The following SPEF2 variants were observed in gnomAD, a reference collection of about 807,000 sequenced individuals.
SPEF2 encodes sperm flagellar and cilia associated 2, also known as sperm flagella and cilia-associated protein 2.
SPEF2 carries 187 observed loss-of-function variants against 224.6 expected under a neutral mutation model. The ratio of observed to expected loss-of-function variants is 0.83; its 90% CI spans 0.74 to 0.94. The LOEUF (loss-of-function observed/expected upper bound fraction) is 0.94. SPEF2 is among the 40% of genes least tolerant of loss of function. SPEF2 has a pLI of 0.00. For missense variants in SPEF2, 2,170 were observed against 2,135.6 expected, an observed-to-expected ratio of 1.02 and a Z score of -0.32; for synonymous variants, 715 against 707.3, an observed-to-expected ratio of 1.01 and a Z score of -0.17.
intron 1 of SPEF2, among the ~76,000 whole-genome samples, chr5:35,621,363 G>C (rs927579261): frequency 2.7e-5 from 4 of 148,524 alleles, no homozygotes; most frequent in Non-Finnish European, 4.4e-5. Context: ...AAGAGGTATT[G>C]CCCTGGATGT....
intron 10 of SPEF2, among the ~76,000 whole-genome samples, chr5:35,679,644 A>G (rs1032225001): frequency 1.3e-5 from 2 of 152,200 alleles, no homozygotes; most frequent in African/African-American, 4.8e-5. Context: ...CCAGGTCACA[A>G]ACAGCTTCTG....
rs70973059 is a variant in SPEF2, at chr5:35,751,066, T to TACACATAC, written c.3331-2558_3331-2557insACACATAC. 9.2e-5 allele frequency among the ~76,000 whole-genome samples: 3 copies of TACACATAC among 32,526 alleles called. 1 individual carries two copies. Among genetic ancestry groups the TACACATAC allele is most frequent in the Non-Finnish European group, 1.8e-4 (3 of 16,546 alleles). The allele number at this position is 32,526 out of a possible 152,430, so 21.3% of individuals were successfully genotyped here. Reference sequence around the variant, plus strand: ...ATGTATATATATATACGTATATATATGTATATATATATACACACACACACA... The same window carrying TACACATAC: ...ATGTATATATATATACGTATATATATACACATACGTATATATATATACACACACACACA... On this transcript the variant is annotated intron_variant, in intron 23 of 36. Coordinates refer to ENST00000356031, the MANE Select transcript of SPEF2 (RefSeq NM_024867.4).
rs554020143 is a variant in SPEF2, at chr5:35,808,335, G to A, written c.5379+1082G>A. 12 of 214,754 alleles carry A rather than the reference G, an allele frequency of 5.6e-5. 1 individual carries two copies. In the South Asian group the frequency reaches 1.8e-3, roughly 33 times the overall value. The allele number at this position is 214,754 out of a possible 1,614,324, so 13.3% of individuals were successfully genotyped here. A position where few individuals can be genotyped will look rare whatever the true frequency, so the allele number is the denominator to read the frequency against. ...TACATATGTATACATGTGCCATGTTGGTGTGCTGTACCCATTAACTCGTCA... is the reference window on the plus strand; with the variant it reads ...TACATATGTATACATGTGCCATGTTAGTGTGCTGTACCCATTAACTCGTCA... On this transcript the variant is annotated intron_variant, in intron 36 of 36. Transcript: ENST00000356031.
intron 6 of SPEF2, among the ~76,000 whole-genome samples, chr5:35,653,500 T>C (rs1748488252): frequency 6.6e-6 from 1 of 152,190 alleles, no homozygotes; most frequent in Non-Finnish European, 1.5e-5. Flanking sequence ...CTGGCATTAA[T>C]GTGCCTGGTC....
chr5:35,758,822 A>T (rs1463172908), intron 24 of SPEF2, among the ~76,000 whole-genome samples: 1 of 152,072 alleles, frequency 6.6e-6, no homozygotes, highest in Non-Finnish European at 1.5e-5. Context: ...CCTGGCCAAC[A>T]TGGCAAAACC....
rs553020452 is a variant in SPEF2 at position 35,806,790 on chromosome 5, C to T, written c.5094C>T (p.Asp1698=). The T allele has an allele frequency of 2.0e-5, 32 of 1,613,558 alleles. No individual in the cohort carries two copies. In the East Asian group the frequency reaches 4.7e-4, roughly 24 times the overall value. The part of the protein sequence containing the change: ...NAAREERKLK[D]DTEKREQKDE... ...CAAGAGAAGAAAGGAAATTAAAAGACGACACGGAGAAAAGGGAACAGAAGG... is the reference window on the plus strand; with the variant it reads ...CAAGAGAAGAAAGGAAATTAAAAGATGACACGGAGAAAAGGGAACAGAAGG... Residue 1698 remains aspartate, a synonymous_variant, in exon 35 of 37, where the codon GAC becomes GAT. Coordinates refer to ENST00000356031, the MANE Select transcript of SPEF2 (RefSeq NM_024867.4).
chr5:35,672,595 T>C (rs1054903357), intron 10 of SPEF2, among the ~76,000 whole-genome samples: 4 of 151,630 alleles, frequency 2.6e-5, no homozygotes, highest in African/African-American at 9.7e-5. Flanking sequence ...AGACCAAAGA[T>C]CTAAAAATAA....
Position 35,713,734 on chromosome 5 carries a change from A to AATAT in SPEF2, c.2914+859_2914+862dup, listed in dbSNP as rs70973052. Among the ~76,000 whole-genome samples, 160 of 102,834 alleles carry AATAT rather than the reference A, an allele frequency of 1.6e-3. 13 individuals carry two copies. The East Asian group carries it at 0.017, about 11-fold the overall frequency. The allele number at this position is 102,834 out of a possible 152,430, so 67.5% of individuals were successfully genotyped here. ...GCCTGGGTGACAGACTCTGTCTCAA[A>AATAT]ATATATATATATATTTTATATATAT... is the stretch of plus-strand genomic sequence containing the variant. On this transcript the variant is annotated intron_variant, in intron 20 of 36. Transcript: ENST00000356031.
intron 13 of SPEF2, 121 bp downstream of exon 13, chr5:35,694,484 A>G (rs1755005901): frequency 2.4e-6 from 2 of 817,348 alleles, no homozygotes; most frequent in South Asian, 3.7e-5. Flanking sequence ...AGTTTTACAT[A>G]GTTGTCTACA....
intron 7 of SPEF2, among the ~76,000 whole-genome samples, chr5:35,657,630 A>C (rs1749138609): frequency 6.6e-6 from 1 of 152,148 alleles, no homozygotes; most frequent in South Asian, 2.1e-4. Context: ...TAGGATCATC[A>C]ACTGAGATGG....
intron 23 of SPEF2, among the ~76,000 whole-genome samples, chr5:35,751,066 TGTATATATATATACACACACACACACAC>T (rs1749497707): frequency 3.1e-5 from 1 of 32,536 alleles, no homozygotes; most frequent in African/African-American, 1.0e-4. Context: ...CGTATATATA[TGTATATATATATACACACACACACACAC>T]ACATATATAT....
intron 16 of SPEF2, 149 bp from the exon 17 acceptor site, chr5:35,704,405 A>C (rs773939308): frequency 9.4e-6 from 5 of 532,460 alleles, no homozygotes; most frequent in Non-Finnish European, 1.7e-5. Flanking sequence ...TCAAAACTAT[A>C]CTCTTTCAAC....
intron 10 of SPEF2, chr5:35,678,737 A>C (rs759299309): frequency 6.6e-6 from 1 of 152,186 alleles, no homozygotes; most frequent in Non-Finnish European, 1.5e-5. Flanking sequence ...ATTCAGCTGC[A>C]CTTCAGCTAA....
intron 21 of SPEF2, among the ~76,000 whole-genome samples, chr5:35,735,608 C>T (rs1420932657): frequency 6.6e-6 from 1 of 152,132 alleles, no homozygotes; most frequent in East Asian, 1.9e-4. Context: ...AGGAAATTAG[C>T]CCAGATGACC....
chr5:35,672,664 T>A (rs1751353092), intron 10 of SPEF2, among the ~76,000 whole-genome samples: 1 of 151,990 alleles, frequency 6.6e-6, no homozygotes, highest in South Asian at 2.1e-4. Flanking sequence ...ATACATTTGC[T>A]TGAACATAAT....
chr5:35,673,301 C>T lies in SPEF2; in HGVS notation c.1524+3074C>T, dbSNP rs73080283. 9.0e-3 allele frequency among the ~76,000 whole-genome samples: 1,369 copies of T among 152,294 alleles called. 25 individuals are homozygous for T. Among genetic ancestry groups the T allele is most frequent in the African/African-American group, 0.032 (1,318 of 41,556 alleles). ...GTGGTTCTCAATCATGCAGTGGACT[C>T]CTGCCAGTGAACCTCAAACTCCCCC... is the stretch of plus-strand genomic sequence containing the variant. On this transcript the variant is annotated intron_variant, in intron 10 of 36. Coordinates refer to ENST00000356031, the MANE Select transcript of SPEF2 (RefSeq NM_024867.4).
intron 33 of SPEF2, 74 bp downstream of exon 33, chr5:35,795,869 T>G: frequency 7.4e-7 from 1 of 1,346,140 alleles, no homozygotes; most frequent in Non-Finnish European, 1.1e-6. Flanking sequence ...TCCACTTATG[T>G]AACTTGGCTG....
intron 19 of SPEF2, chr5:35,709,458 G>A: frequency 9.7e-7 from 1 of 1,026,652 alleles, no homozygotes; most frequent in Non-Finnish European, 1.2e-6. Context: ...GAACTATAGA[G>A]TTACATTTAT....
At chr5:35,659,366 A>G (rs1172786178) in intron 8 of SPEF2, among the ~76,000 whole-genome samples, 159 bp downstream of exon 8, 1 of 152,132 alleles carries the variant, frequency 6.6e-6, no homozygotes, top group African/African-American at 2.4e-5. Flanking sequence ...GTATAACTCC[A>G]TCAACAGGGC....
Sources: allele counts gnomAD v4.1 joint callset (sites outside exome capture counted in the v4.1 genomes callset), GRCh38; gene constraint gnomAD v4.1.1; transcripts MANE v1.5; gene names NCBI Gene and HGNC (gene_info 2026-07-23, HGNC 2026-07-21).